STXBP6: variants seen among roughly 807,000 people sequenced by gnomAD.
STXBP6 encodes the protein syntaxin binding protein 6, also known as syntaxin-binding protein 6.
In STXBP6, 21 loss-of-function variants were observed where a neutral mutation model predicts 26.9. That is an observed-to-expected ratio of 0.78 (90% CI 0.55 to 1.12). The LOEUF (loss-of-function observed/expected upper bound fraction) is 1.12, where lower values mean the gene tolerates loss of function less well. Among genes scored for constraint, STXBP6 ranks in the 50% most tolerant of loss-of-function variants. The probability of loss-of-function intolerance (pLI) is 0.00; values close to 1 mark genes in which losing one functional copy is unlikely to be tolerated. For missense variants in STXBP6, 232 were observed against 257.9 expected (o/e 0.90, Z 0.69); for synonymous variants, 97 against 92.6 (o/e 1.05, Z -0.27).
chr14:24,948,580 G>T (rs1405521285), intron 2 of STXBP6, among the ~76,000 whole-genome samples: 1 of 152,052 alleles, frequency 6.6e-6, no homozygotes, highest in African/African-American at 2.4e-5. Flanking sequence ...CTCTGACTGT[G>T]AGAACTGTCC....
At chr14:25,033,937 A>G (rs1009899031) in intron 1 of STXBP6, among the ~76,000 whole-genome samples, 4 of 152,218 alleles carry the variant, frequency 2.6e-5, no homozygotes, top group South Asian at 2.1e-4. Flanking sequence ...AAATGCAGGT[A>G]TATGGCCCTG....
intron 1 of STXBP6, among the ~76,000 whole-genome samples, chr14:25,047,484 T>C (rs1211699798): frequency 6.6e-6 from 1 of 152,238 alleles, no homozygotes; most frequent in Non-Finnish European, 1.5e-5. Flanking sequence ...TCTCTCTTAC[T>C]ATCTCCCACT....
chr14:24,977,692 C>T (rs1017860544), intron 1 of STXBP6, among the ~76,000 whole-genome samples: 1 of 152,120 alleles, frequency 6.6e-6, no homozygotes, highest in Non-Finnish European at 1.5e-5. Context: ...AAAAATGAAA[C>T]ATTTTTATTA....
chr14:25,049,633 G>A lies in STXBP6; in HGVS notation c.-33+245C>T. On this transcript the variant is annotated intron_variant, in intron 1 of 5. Transcript: ENST00000323944. The surrounding 1 kb of genome is among the most constrained non-coding windows in gnomAD (Gnocchi z 5.6). ...TGCCCGCACAACGGGTCCCAGGGTT[G>A]GAGAGAACCAGGGACACGAGTCCCT... The A allele has an allele frequency of 1.0e-6, 1 of 985,476 alleles. No homozygotes were observed. The highest frequency in any genetic ancestry group is 1.2e-6 in the Non-Finnish European group (1 of 829,972). 61.0% of individuals were successfully genotyped at this position (985,476 alleles called of 1,614,324 possible). A position where few individuals can be genotyped will look rare whatever the true frequency, so the allele number is the denominator to read the frequency against.
At chr14:24,836,441 T>C (rs796894613) in intron 4 of STXBP6, among the ~76,000 whole-genome samples, 6 of 151,534 alleles carry the variant, frequency 4.0e-5, no homozygotes, top group African/African-American at 1.5e-4. Context: ...CTACTAAATA[T>C]ACAAAAATTA....
intron 2 of STXBP6, among the ~76,000 whole-genome samples, chr14:24,924,972 T>C (rs897653962): frequency 6.6e-6 from 1 of 152,188 alleles, no homozygotes; most frequent in African/African-American, 2.4e-5. Context: ...AAAAATAAGA[T>C]ACCGTTGTAT....
intron 2 of STXBP6, among the ~76,000 whole-genome samples, chr14:24,897,340 G>T (rs12888862): frequency 0.33 from 49,489 of 148,244 alleles, 8,375 homozygotes; most frequent in African/African-American, 0.4. Flanking sequence ...AACCCGGGAG[G>T]GGGAGTTTGC....
intron 2 of STXBP6, among the ~76,000 whole-genome samples, chr14:24,921,354 A>C (rs2071971037): frequency 6.6e-6 from 1 of 152,152 alleles, no homozygotes; most frequent in Admixed American, 6.5e-5. Flanking sequence ...TAAGGTGCTT[A>C]GAGCACAGTG....
At chr14:24,898,450 G>A (rs1394479481) in intron 2 of STXBP6, among the ~76,000 whole-genome samples, 3 of 152,156 alleles carry the variant, frequency 2.0e-5, no homozygotes, top group South Asian at 2.1e-4. Flanking sequence ...AGGCCAAGGC[G>A]GGTGGATCAC....
In STXBP6 at chr14:24,987,773, G is replaced by T. The variant is rs1043180862; in HGVS notation, c.-32-12923C>A. ...CAAGTCAAGTCTTTCCCACTGTGAG[G>T]TGTTGTTACCCAAGGGAGATGCAGA... On this transcript the variant is annotated intron_variant, in intron 1 of 5. Transcript: ENST00000323944. The T allele has an allele frequency of 2.4e-5, 22 of 903,906 alleles. No individual in the cohort carries two copies. In the Admixed American group the frequency reaches 1.1e-3, roughly 46 times the overall value. The allele number at this position is 903,906 out of a possible 1,614,324, so 56.0% of individuals were successfully genotyped here.
At chr14:25,002,359 C>CTTTTTTTTTTTTTTTCTTTTTTTTTTT (rs1365586543) in intron 1 of STXBP6, among the ~76,000 whole-genome samples, 8 of 121,364 alleles carry the variant, frequency 6.6e-5, no homozygotes, top group African/African-American at 2.7e-4. Flanking sequence ...ATTCTTATGA[C>CTTTTTTTTTTTTTTTCTTTTTTTTTTT]TTTTTTTTTT....
chr14:25,019,100 ATG>A (rs1566566262), intron 1 of STXBP6, among the ~76,000 whole-genome samples: 1 of 152,234 alleles, frequency 6.6e-6, no homozygotes, highest in Admixed American at 6.5e-5. Flanking sequence ...CAGAAGGCTT[ATG>A]TCCAGAATGA....
intron 2 of STXBP6, among the ~76,000 whole-genome samples, chr14:24,864,513 G>A (rs568520734): frequency 6.1e-4 from 93 of 152,168 alleles, no homozygotes; most frequent in African/African-American, 2.0e-3. Flanking sequence ...TGGATACCAC[G>A]CACCTGCTGC....
chr14:24,934,872 C>T (rs2072541703), intron 2 of STXBP6, among the ~76,000 whole-genome samples: 1 of 151,970 alleles, frequency 6.6e-6, no homozygotes, highest in Non-Finnish European at 1.5e-5. Context: ...TGATAGAGAA[C>T]ACCAAAAGAC....
intron 2 of STXBP6, among the ~76,000 whole-genome samples, chr14:24,861,424 G>A (rs1326714131): frequency 1.3e-5 from 2 of 152,170 alleles, no homozygotes; most frequent in Non-Finnish European, 2.9e-5. Flanking sequence ...GGAAGTAACT[G>A]AGTGTGGCTT....
intron 2 of STXBP6, among the ~76,000 whole-genome samples, chr14:24,872,761 T>C (rs1172410052): frequency 6.6e-6 from 1 of 152,216 alleles, no homozygotes; most frequent in Non-Finnish European, 1.5e-5. Flanking sequence ...TGTGCATGCC[T>C]GGGATGCCTT....
At chr14:24,881,957 A>G (rs2070372281) in intron 2 of STXBP6, among the ~76,000 whole-genome samples, 1 of 152,112 alleles carries the variant, frequency 6.6e-6, no homozygotes. Context: ...GCAAATCAGG[A>G]AGTTAGTTTT....
At chr14:24,981,993 T>C (rs2074205511) in intron 1 of STXBP6, among the ~76,000 whole-genome samples, 1 of 152,194 alleles carries the variant, frequency 6.6e-6, no homozygotes, top group Non-Finnish European at 1.5e-5. Context: ...TATGTGTATA[T>C]TTACATGCAT....
chr14:24,825,138 T>C (rs2068245728), intron 4 of STXBP6, among the ~76,000 whole-genome samples: 1 of 152,198 alleles, frequency 6.6e-6, no homozygotes, highest in African/African-American at 2.4e-5. Flanking sequence ...AGGAGAGGTA[T>C]GGTATGCAGA....
Sources: allele counts gnomAD v4.1 joint callset (sites outside exome capture counted in the v4.1 genomes callset), GRCh38; gene constraint gnomAD v4.1.1; non-coding constraint Gnocchi (gnomAD v3.1); transcripts MANE v1.5; gene names NCBI Gene and HGNC (gene_info 2026-07-23, HGNC 2026-07-21).